Variants in CTNNA2 observed in about 807,000 individuals in gnomAD.
CTNNA2 encodes catenin alpha-2.
CTNNA2 carries 42 observed loss-of-function variants against 101.0 expected under a neutral mutation model. The ratio of observed to expected loss-of-function variants is 0.42; its 90% CI spans 0.32 to 0.54. The LOEUF (loss-of-function observed/expected upper bound fraction) is 0.54. Ranked by LOEUF, CTNNA2 falls within the 20% of genes least tolerant of loss-of-function variation. The pLI, the probability that CTNNA2 is intolerant of heterozygous loss-of-function variation, is 0.14. For synonymous variants in CTNNA2, 450 were observed against 456.4 expected, an observed-to-expected ratio of 0.99 and a Z score of 0.18; for missense variants, 871 against 1,223.1, an observed-to-expected ratio of 0.71 and a Z score of 4.29.
At chr2:79,774,025 G>T (rs928689104) in intron 3 of CTNNA2, among the ~76,000 whole-genome samples, 1 of 152,100 alleles carries the variant, frequency 6.6e-6, no homozygotes, top group African/African-American at 2.4e-5. Flanking sequence ...TGGCTTTGTG[G>T]CTTCTCTCAT....
At chr2:79,261,266 T>C (rs1674917906) in intron 2 of CTNNA2, among the ~76,000 whole-genome samples, 1 of 152,102 alleles carries the variant, frequency 6.6e-6, no homozygotes, top group African/African-American at 2.4e-5. Flanking sequence ...CACCAGAAAT[T>C]CAACAATAGG....
chr2:80,570,716 T>C (rs1379072401), intron 12 of CTNNA2, among the ~76,000 whole-genome samples: 1 of 152,208 alleles, frequency 6.6e-6, no homozygotes, highest in African/African-American at 2.4e-5. Flanking sequence ...TATCGTTTTT[T>C]TCTTCCTTGA....
At chr2:80,179,556 G>T (rs1705628888) in intron 7 of CTNNA2, among the ~76,000 whole-genome samples, 1 of 152,022 alleles carries the variant, frequency 6.6e-6, no homozygotes, top group African/African-American at 2.4e-5. Context: ...TGTATTTTTA[G>T]TAGAGAAGGG....
At chr2:79,498,691 C>A (rs573648136) in intron 4 of CTNNA2, among the ~76,000 whole-genome samples, 1 of 152,224 alleles carries the variant, frequency 6.6e-6, no homozygotes, top group South Asian at 2.1e-4. Flanking sequence ...CTAACTACTT[C>A]ATCGGTTGGG....
chr2:80,538,442 T>C (rs1040517352), intron 9 of CTNNA2, among the ~76,000 whole-genome samples: 1 of 152,344 alleles, frequency 6.6e-6, no homozygotes, highest in African/African-American at 2.4e-5. Context: ...TTTCTGCATA[T>C]GACTAGCCAA....
At chr2:79,358,524 G>A (rs550343086) in intron 3 of CTNNA2, among the ~76,000 whole-genome samples, 1 of 152,060 alleles carries the variant, frequency 6.6e-6, no homozygotes, top group Non-Finnish European at 1.5e-5. Context: ...TCAACATACG[G>A]TTTATTTTTA....
At chr2:79,714,551 A>G (rs1193785756) in intron 2 of CTNNA2, among the ~76,000 whole-genome samples, 1 of 152,192 alleles carries the variant, frequency 6.6e-6, no homozygotes, top group East Asian at 1.9e-4. Flanking sequence ...GTACAGGCAA[A>G]TGTGCATTCC....
intron 7 of CTNNA2, among the ~76,000 whole-genome samples, chr2:80,297,580 G>C (rs569385965): frequency 6.6e-6 from 1 of 152,140 alleles, no homozygotes; most frequent in Non-Finnish European, 1.5e-5. Flanking sequence ...GTTGAGCAAG[G>C]CCAGGAGATG....
At chr2:79,627,517 A>C (rs1204783915) in intron 1 of CTNNA2, among the ~76,000 whole-genome samples, 1 of 152,200 alleles carries the variant, frequency 6.6e-6, no homozygotes, top group Non-Finnish European at 1.5e-5. Flanking sequence ...GTGCAACTTC[A>C]CTATTTCAGG....
intron 4 of CTNNA2, among the ~76,000 whole-genome samples, chr2:79,392,899 A>C (rs963454228): frequency 6.6e-6 from 1 of 152,222 alleles, no homozygotes; most frequent in Non-Finnish European, 1.5e-5. Flanking sequence ...GTTAAATGGC[A>C]TTTCGTGGAA....
At chr2:80,348,527 A>C (rs1425133652) in intron 7 of CTNNA2, among the ~76,000 whole-genome samples, 2 of 152,238 alleles carry the variant, frequency 1.3e-5, no homozygotes, top group Admixed American at 1.3e-4. Context: ...GGCATTTGAA[A>C]AGTCTTTATC....
intron 3 of CTNNA2, among the ~76,000 whole-genome samples, chr2:79,806,412 G>A (rs879720097): frequency 1.3e-5 from 2 of 152,072 alleles, no homozygotes; most frequent in African/African-American, 2.4e-5. Flanking sequence ...GATTCCTACA[G>A]TGTTATGAAT....
At chr2:80,633,943 C>T (rs1240537361) in intron 18 of CTNNA2, among the ~76,000 whole-genome samples, 2 of 152,106 alleles carry the variant, frequency 1.3e-5, no homozygotes, top group East Asian at 3.9e-4. Flanking sequence ...CTGAAGTTTA[C>T]TTTCTCTTTT....
chr2:79,471,706 T>A (rs997718502), intron 4 of CTNNA2, among the ~76,000 whole-genome samples: 6 of 151,836 alleles, frequency 4.0e-5, no homozygotes, highest in Admixed American at 3.9e-4. Flanking sequence ...GGCATGGTGG[T>A]GGGTGCCTGT....
chr2:79,999,629 G>C (rs1558715400), intron 7 of CTNNA2, among the ~76,000 whole-genome samples: 1 of 152,098 alleles, frequency 6.6e-6, no homozygotes, highest in East Asian at 1.9e-4. Flanking sequence ...TGTGCAGGGG[G>C]CATTGTTCAT....
chr2:79,458,597 C>T (rs1252846670), intron 4 of CTNNA2, among the ~76,000 whole-genome samples: 1 of 152,122 alleles, frequency 6.6e-6, no homozygotes, highest in African/African-American at 2.4e-5. Context: ...CATCAAAAGG[C>T]CATTATTTTC....
intron 7 of CTNNA2, among the ~76,000 whole-genome samples, chr2:80,232,503 A>C (rs1709315152): frequency 6.6e-6 from 1 of 151,346 alleles, no homozygotes; most frequent in Admixed American, 6.6e-5. Context: ...TGGCTGACTT[A>C]GAGGTAATCT....
At chr2:79,317,525 T>C (rs1207400923) in intron 3 of CTNNA2, among the ~76,000 whole-genome samples, 1 of 152,054 alleles carries the variant, frequency 6.6e-6, no homozygotes, top group African/African-American at 2.4e-5. Flanking sequence ...AGTAACTCGA[T>C]AAATGTGGGA....
chr2:80,118,933 G>A (rs1701678927), intron 7 of CTNNA2, among the ~76,000 whole-genome samples: 4 of 152,194 alleles, frequency 2.6e-5, no homozygotes, highest in Admixed American at 2.6e-4. Context: ...TATCTCTTCT[G>A]TCTTGTATTG....
Sources: gnomAD v4.1 joint callset for allele counts (sites outside exome capture counted in the v4.1 genomes callset) on GRCh38, gnomAD v4.1.1 for gene constraint, MANE v1.5 for transcripts, NCBI Gene and HGNC (gene_info 2026-07-23, HGNC 2026-07-21) for gene names.